The following NR2F1-AS1 variants were observed in gnomAD, a reference collection of about 807,000 sequenced individuals.
NR2F1-AS1 encodes NR2F1 antisense RNA 1.
chr5:93,471,690 T>C (rs1345978528), intron 4 of NR2F1-AS1, among the ~76,000 whole-genome samples: 1 of 152,014 alleles, frequency 6.6e-6, no homozygotes, highest in African/African-American at 2.4e-5. Context: ...TTAGAAGCCA[T>C]TTTAATGAGT....
At chr5:93,509,507 A>G (rs1307118958) in intron 4 of NR2F1-AS1, among the ~76,000 whole-genome samples, 2 of 152,108 alleles carry the variant, frequency 1.3e-5, no homozygotes, top group African/African-American at 4.8e-5. Flanking sequence ...ATAAATATAA[A>G]TACATACAAT....
chr5:93,466,864 T>C (rs1750243672), intron 4 of NR2F1-AS1, among the ~76,000 whole-genome samples: 1 of 144,940 alleles, frequency 6.9e-6, no homozygotes, highest in Non-Finnish European at 1.5e-5. Flanking sequence ...CTTCATCTGA[T>C]TAAAGTTTCT....
At position 93,525,372 on chromosome 5, in the gene NR2F1-AS1, A is replaced by G. The variant is rs1360380062; in HGVS notation, n.638+28389T>C. ...CCAGATTCATAAAGCAAGTTCTTAGAGACCTACAAAGAGATGTACACTCCC... is the reference window on the plus strand; with the variant it reads ...CCAGATTCATAAAGCAAGTTCTTAGGGACCTACAAAGAGATGTACACTCCC... On this transcript the variant is annotated intron_variant and non_coding_transcript_variant, in intron 4 of 5. Transcript: ENST00000660523. Among the ~76,000 whole-genome samples the G allele has an allele frequency of 2.0e-5, 3 of 152,198 alleles. No individual in the cohort carries two copies. The East Asian group carries it at 5.8e-4, about 29-fold the overall frequency.
At chr5:93,568,828 C>CT in intron 1 of NR2F1-AS1, among the ~76,000 whole-genome samples, 1 of 152,204 alleles carries the variant, frequency 6.6e-6, no homozygotes, top group Middle Eastern at 3.4e-3. Context: ...CCAGTGAAAT[C>CT]TTACACAGAA....
At chr5:93,554,865 A>G (rs1752317683) in intron 3 of NR2F1-AS1, 1 of 152,168 alleles carries the variant, frequency 6.6e-6, no homozygotes, top group Non-Finnish European at 1.5e-5. Context: ...AAAGTACAAC[A>G]TCACCTACCA....
chr5:93,538,043 A>G (rs147380056), intron 4 of NR2F1-AS1, among the ~76,000 whole-genome samples: 2 of 152,230 alleles, frequency 1.3e-5, no homozygotes, highest in African/African-American at 4.8e-5. Flanking sequence ...GAGCCTTGCA[A>G]TGGTATGGTG....
chr5:93,445,933 G>A (rs1489068802), intron 4 of NR2F1-AS1, among the ~76,000 whole-genome samples: 1 of 152,130 alleles, frequency 6.6e-6, no homozygotes, highest in Non-Finnish European at 1.5e-5. Flanking sequence ...CATATAAACA[G>A]AACCAAAGAT....
chr5:93,555,472 TAAG>T (rs1332861548), intron 2 of NR2F1-AS1, among the ~76,000 whole-genome samples: 1 of 152,078 alleles, frequency 6.6e-6, no homozygotes, highest in Non-Finnish European at 1.5e-5. Context: ...AAGCAGCAAA[TAAG>T]AAGACAAAGG....
intron 4 of NR2F1-AS1, among the ~76,000 whole-genome samples, chr5:93,517,887 C>T (rs995628495): frequency 6.6e-6 from 1 of 151,986 alleles, no homozygotes; most frequent in African/African-American, 2.4e-5. Context: ...TATTACATAC[C>T]ACTTTTTGTA....
rs958018834 is a variant in NR2F1-AS1 at position 93,579,557 on chromosome 5, A to G, written n.313+910T>C. On this transcript the variant is annotated intron_variant and non_coding_transcript_variant, in intron 1 of 5. Coordinates refer to ENST00000660523, the Ensembl canonical transcript of NR2F1-AS1. This position sits in a 1 kb window ranked among gnomAD's most constrained non-coding sequence, Gnocchi z 5.1. Reference sequence around the variant, plus strand: ...CACCTACAGGGCCTGACCCCGGGCCAGCCCAGCTAGGCAAGGCCTCCTCGC... The same window carrying G: ...CACCTACAGGGCCTGACCCCGGGCCGGCCCAGCTAGGCAAGGCCTCCTCGC... Among the ~76,000 whole-genome samples the G allele has an allele frequency of 2.6e-5, 4 of 152,060 alleles. No individual in the cohort carries two copies. Among genetic ancestry groups the G allele is most frequent in the Non-Finnish European group, 5.9e-5 (4 of 67,996 alleles).
chr5:93,560,464 G>A (rs368549878), intron 2 of NR2F1-AS1, among the ~76,000 whole-genome samples: 12 of 152,256 alleles, frequency 7.9e-5, no homozygotes, highest in South Asian at 4.1e-4. Flanking sequence ...TGGCTTTGTC[G>A]TTGACATTAG....
At chr5:93,539,418 T>C (rs1751904283) in intron 4 of NR2F1-AS1, among the ~76,000 whole-genome samples, 2 of 152,026 alleles carry the variant, frequency 1.3e-5, no homozygotes, top group Admixed American at 1.3e-4. Flanking sequence ...GGAATACTAA[T>C]CGTCCATTAA....
At chr5:93,415,586 CTT>C (rs1748951197) in intron 4 of NR2F1-AS1, among the ~76,000 whole-genome samples, 1 of 152,114 alleles carries the variant, frequency 6.6e-6, no homozygotes, top group Non-Finnish European at 1.5e-5. Context: ...TATGAAAACT[CTT>C]ATATGTAGAA....
At chr5:93,495,056 A>G (rs575312236) in intron 4 of NR2F1-AS1, among the ~76,000 whole-genome samples, 1 of 152,186 alleles carries the variant, frequency 6.6e-6, no homozygotes, top group Non-Finnish European at 1.5e-5. Flanking sequence ...TACATGACAA[A>G]AAAAATCCAA....
intron 4 of NR2F1-AS1, among the ~76,000 whole-genome samples, chr5:93,530,075 CTTTTTTTTTTTT>C (rs1227046832): frequency 2.0e-5 from 2 of 97,914 alleles, no homozygotes; most frequent in Non-Finnish European, 3.9e-5. Flanking sequence ...AATTTGAAGG[CTTTTTTTTTTTT>C]TTTTTTTTTT....
At chr5:93,503,650 G>A (rs1751128234) in intron 4 of NR2F1-AS1, among the ~76,000 whole-genome samples, 1 of 152,124 alleles carries the variant, frequency 6.6e-6, no homozygotes, top group South Asian at 2.1e-4. Flanking sequence ...CTGGAATTTT[G>A]TATATGCCAG....
At chr5:93,512,331 T>C (rs932764732) in intron 4 of NR2F1-AS1, among the ~76,000 whole-genome samples, 4 of 152,206 alleles carry the variant, frequency 2.6e-5, no homozygotes, top group African/African-American at 7.2e-5. Context: ...GAATGACTTT[T>C]GTGCAGCTGT....
At chr5:93,526,371 A>G (rs764328993) in intron 4 of NR2F1-AS1, among the ~76,000 whole-genome samples, 7 of 152,168 alleles carry the variant, frequency 4.6e-5, no homozygotes, top group Non-Finnish European at 8.8e-5. Context: ...CCAACCAACA[A>G]AAGCGCAGGA....
At chr5:93,438,554 T>C (rs1249001986) in intron 4 of NR2F1-AS1, 1 of 152,212 alleles carries the variant, frequency 6.6e-6, no homozygotes, top group African/African-American at 2.4e-5. Context: ...CTCTCTTACG[T>C]AGATGCTTAA....
Sources: allele counts gnomAD v4.1 joint callset (sites outside exome capture counted in the v4.1 genomes callset), GRCh38; gene constraint gnomAD v4.1.1; non-coding constraint Gnocchi (gnomAD v3.1); transcripts MANE v1.5; gene names NCBI Gene and HGNC (gene_info 2026-07-23, HGNC 2026-07-21).